Variants in F11R observed in about 807,000 individuals in gnomAD.
F11R encodes junctional adhesion molecule A.
F11R carries 27 observed loss-of-function variants against 39.3 expected under a neutral mutation model. The observed-to-expected ratio is 0.69, with a 90% confidence interval of 0.51 to 0.95. The LOEUF (loss-of-function observed/expected upper bound fraction) is 0.95, where lower values mean the gene tolerates loss of function less well. Ranked by LOEUF, F11R falls within the 40% of genes least tolerant of loss-of-function variation. The pLI is 0.00. For synonymous variants in F11R, 131 were observed against 144.9 expected (o/e 0.90, Z 0.69); for missense variants, 335 against 372.7 (o/e 0.90, Z 0.83).
intron 1 of F11R, among the ~76,000 whole-genome samples, chr1:161,010,231 G>T (rs1649056076): frequency 6.6e-6 from 1 of 151,970 alleles, no homozygotes; most frequent in Non-Finnish European, 1.5e-5. Flanking sequence ...GGATCACAAG[G>T]TCAGGAGTTC....
At chr1:161,005,167 AAATAATAATAATAATAAT>A (rs71090350) in intron 1 of F11R, among the ~76,000 whole-genome samples, 1 of 145,144 alleles carries the variant, frequency 6.9e-6, no homozygotes, top group African/African-American at 2.5e-5. Flanking sequence ...CTCAAAAATA[AAATAATAATAATAATAAT>A]AATAATAATA....
At chr1:161,001,168 G>A in intron 2 of F11R, 41 bp from the exon 3 acceptor site, 2 of 1,601,682 alleles carry the variant, frequency 1.2e-6, no homozygotes, top group Non-Finnish European at 8.6e-7. Context: ...AGAAGCAGCA[G>A]CAAATACACG....
In F11R at chr1:161,001,083, C is replaced by T; in HGVS notation, c.178G>A (p.Val60Met). The T allele has an allele frequency of 2.5e-6, 4 of 1,614,172 alleles. No homozygotes were observed. The highest frequency in any genetic ancestry group is 3.4e-6 in the Non-Finnish European group (4 of 1,180,034). ...TCTCCTTGGTCAAACTTCCACTCCA[C>T]ACGGGGAGAAGAAAAGCCCGAGTAG... ...CAYSGFSSPR[V>M]EWKFDQGDTT... The change falls in exon 3 of 10, where the codon GTG becomes ATG. Residue 60 changes from valine (V) to methionine (M), a missense_variant. Physicochemically the swap from Val to Met is conservative, Grantham distance 21. Transcript: ENST00000368026.
intron 9 of F11R, 51 bp downstream of exon 9, chr1:160,998,989 TCTC>T (rs1324671904): frequency 4.3e-6 from 7 of 1,612,692 alleles, no homozygotes; most frequent in Non-Finnish European, 4.2e-6. Context: ...GGGCTAGAAA[TCTC>T]CTCACTCCAG....
chr1:161,020,008 G>C (rs932142069), intron 1 of F11R, among the ~76,000 whole-genome samples: 1 of 152,062 alleles, frequency 6.6e-6, no homozygotes, highest in Non-Finnish European at 1.5e-5. Flanking sequence ...CAAGAACCTT[G>C]GGGGTGGGGG....
Position 161,001,296 on chromosome 1 carries a change from G to A in F11R, c.122C>T (p.Pro41Leu). The change falls in exon 2 of 10, where the codon CCT becomes CTT. Residue 41 changes from proline (P) to leucine (L), a missense_variant. Physicochemically the swap from Pro to Leu is moderately conservative, Grantham distance 98 (BLOSUM62 -3). Coordinates refer to ENST00000368026, the MANE Select transcript of F11R (RefSeq NM_016946.6). ...VHSSEPEVRI[P>L]ENNPVKLSCA... Reference sequence around the variant, plus strand: ...CCCTCCCAACTCACGATTATTCTCAGGAATTCTGACTTCAGGTTCAGAAGA... The same window carrying A: ...CCCTCCCAACTCACGATTATTCTCAAGAATTCTGACTTCAGGTTCAGAAGA... 6.2e-7 allele frequency: 1 copy of A among 1,614,078 alleles called. No homozygotes were observed. Among genetic ancestry groups the A allele is most frequent in the East Asian group, 2.2e-5 (1 of 44,870 alleles).
rs767390228 is a variant in F11R at position 161,001,504 on chromosome 1, T to C, written c.65-151A>G. 6.2e-6 allele frequency: 4 copies of C among 642,206 alleles called. No individual in the cohort carries two copies. In the African/African-American group the frequency reaches 7.3e-5, roughly 12 times the overall value. 39.8% of individuals were successfully genotyped at this position (642,206 alleles called of 1,614,324 possible). A position where few individuals can be genotyped will look rare whatever the true frequency, so the allele number is the denominator to read the frequency against. On this transcript the variant is annotated intron_variant, in intron 1 of 9. Transcript: ENST00000368026. ...TATGCTCCCTCTGGCTCTCACACTT[T>C]GTCACCATGATCCTAAATGTCTTCT...
intron 4 of F11R, 48 bp downstream of exon 4, chr1:161,000,583 T>C (rs1489996365): frequency 3.1e-6 from 5 of 1,612,342 alleles, no homozygotes; most frequent in East Asian, 2.2e-5. Flanking sequence ...GAGCCTGCTA[T>C]GAGAAGTAAC....
intron 1 of F11R, among the ~76,000 whole-genome samples, chr1:161,010,471 C>T (rs1040589099): frequency 7.8e-6 from 1 of 128,664 alleles, no homozygotes. Context: ...TTGATCCAAA[C>T]CATATGGCTA....
intron 1 of F11R, among the ~76,000 whole-genome samples, chr1:161,013,647 T>C (rs1012319156): frequency 3.9e-5 from 6 of 152,200 alleles, no homozygotes; most frequent in Admixed American, 2.6e-4. Flanking sequence ...GAAGGCTCTG[T>C]GAGGCCAACA....
chr1:161,019,033 A>G (rs1328957242), intron 1 of F11R, among the ~76,000 whole-genome samples: 1 of 152,208 alleles, frequency 6.6e-6, no homozygotes, highest in East Asian at 1.9e-4. Context: ...ATAGGGAGTA[A>G]GCAGCTCCAG....
intron 1 of F11R, among the ~76,000 whole-genome samples, chr1:161,017,100 A>C (rs1233742519): frequency 6.6e-6 from 1 of 152,058 alleles, no homozygotes; most frequent in Non-Finnish European, 1.5e-5. Flanking sequence ...CCACTCCCTA[A>C]TCTCAAGTAC....
intron 1 of F11R, among the ~76,000 whole-genome samples, chr1:161,014,946 C>T (rs896442322): frequency 6.7e-6 from 1 of 148,420 alleles, no homozygotes; most frequent in South Asian, 2.1e-4. Flanking sequence ...GGAATGGTGG[C>T]GGGTGCCTGT....
chr1:161,016,088 A>G (rs932449540), intron 1 of F11R, among the ~76,000 whole-genome samples: 3 of 152,180 alleles, frequency 2.0e-5, no homozygotes, highest in African/African-American at 7.2e-5. Flanking sequence ...CTGTAATCCC[A>G]GCACTTTGGA....
intron 8 of F11R, 113 bp downstream of exon 8, chr1:160,999,283 C>T: frequency 6.6e-7 from 1 of 1,515,584 alleles, no homozygotes; most frequent in South Asian, 1.1e-5. Flanking sequence ...AATGCCTTCC[C>T]TCCAAACTGG....
At chr1:161,003,622 G>A (rs1224998033) in intron 1 of F11R, among the ~76,000 whole-genome samples, 1 of 151,444 alleles carries the variant, frequency 6.6e-6, no homozygotes, top group Non-Finnish European at 1.5e-5. Context: ...TGTCGCCCTG[G>A]CTAGAGTGCA....
At chr1:161,000,417 C>A in intron 4 of F11R, 69 bp from the exon 5 acceptor site, 2 of 1,515,786 alleles carry the variant, frequency 1.3e-6, no homozygotes, top group Admixed American at 1.7e-5. Context: ...TAACCAACTA[C>A]AATGGTACCC....
intron 1 of F11R, among the ~76,000 whole-genome samples, chr1:161,015,147 A>G (rs908641525): frequency 5.3e-5 from 8 of 151,536 alleles, no homozygotes; most frequent in African/African-American, 1.9e-4. Flanking sequence ...CTGTAATCCC[A>G]GCATTTTGGG....
chr1:161,003,594 T>G (rs182017028), intron 1 of F11R, among the ~76,000 whole-genome samples: 146 of 151,646 alleles, frequency 9.6e-4, no homozygotes, highest in Non-Finnish European at 1.8e-3. Flanking sequence ...GTTTTTTTGT[T>G]GAGACAGAGT....
Sources: allele counts gnomAD v4.1 joint callset (sites outside exome capture counted in the v4.1 genomes callset), GRCh38; gene constraint gnomAD v4.1.1; transcripts MANE v1.5; gene names NCBI Gene and HGNC (gene_info 2026-07-23, HGNC 2026-07-21).